TBRG1: variants seen among roughly 807,000 people sequenced by gnomAD.
TBRG1 encodes the protein nuclear interactor of ARF and MDM2.
TBRG1 carries 31 observed loss-of-function variants against 44.0 expected under a neutral mutation model. The observed-to-expected ratio is 0.70, with a 90% CI of 0.53 to 0.95. The LOEUF (loss-of-function observed/expected upper bound fraction) is 0.95, where lower values mean the gene tolerates loss of function less well. Among genes scored for constraint, TBRG1 ranks in the 40% least tolerant of loss-of-function variants. The probability of loss-of-function intolerance (pLI) is 0.00; values close to 1 mark genes in which losing one functional copy is unlikely to be tolerated. For synonymous variants in TBRG1, 171 were observed against 188.1 expected (o/e 0.91, Z 0.74); for missense variants, 487 against 496.1 (o/e 0.98, Z 0.18).
intron 7 of TBRG1, 70 bp from the exon 8 acceptor site, chr11:124,631,205 C>A: frequency 7.0e-7 from 1 of 1,430,648 alleles, no homozygotes; most frequent in Non-Finnish European, 9.4e-7. Flanking sequence ...TACCTGATCC[C>A]TTTAGTGATA....
In TBRG1 at chr11:124,632,327, C is replaced by T. The variant is rs1352222227; in HGVS notation, c.*89C>T. On this transcript the variant is annotated 3_prime_UTR_variant, in exon 9 of 9. Transcript: ENST00000441174. ...GGGTATATGAAAGAAGGCAGCAATT[C>T]AGAAGTAAAGAAGATACTAACGTAT... 8.5e-6 allele frequency: 10 copies of T among 1,172,734 alleles called. No individual in the cohort carries two copies. Among genetic ancestry groups the T allele is most frequent in the Non-Finnish European group, 1.2e-5 (10 of 812,794 alleles). The allele number at this position is 1,172,734 out of a possible 1,614,324, so 72.6% of individuals were successfully genotyped here.
chr11:124,631,066 AC>A, intron 7 of TBRG1: 1 of 636,314 alleles, frequency 1.6e-6, no homozygotes, highest in Non-Finnish European at 2.7e-6. Flanking sequence ...TTCTGTATGT[AC>A]CATGACAGCA....
chr11:124,628,068 TATATATATATATATATATATATA>T (rs1565400388), intron 5 of TBRG1, among the ~76,000 whole-genome samples: 1 of 30,830 alleles, frequency 3.2e-5, no homozygotes, highest in African/African-American at 1.7e-4. Flanking sequence ...AGCTGTTTTA[TATATATATATATATATATATATA>T]TATATATATA....
chr11:124,623,241 T>G lies in TBRG1; in HGVS notation c.150+8T>G, dbSNP rs1427277440. 2 of 1,551,448 alleles carry G rather than the reference T, an allele frequency of 1.3e-6. No homozygotes were observed. The highest frequency in any genetic ancestry group is 3.9e-5 in the Admixed American group (2 of 51,018). The stretch of plus-strand genomic sequence containing the variant: ...GCCAAGGCCACGGTGTTTGTGAGTC[T>G]GACCCACGTTCAGCCGGTCCCCTCC... On this transcript the variant is annotated splice_region_variant and intron_variant, in intron 1 of 8. Coordinates refer to ENST00000441174, the MANE Select transcript of TBRG1 (RefSeq NM_032811.3).
chr11:124,625,773 G>A lies in TBRG1; in HGVS notation c.324G>A (p.Val108=). The change falls in exon 3 of 9, where the codon GTG becomes GTA. Residue 108 remains valine (V), a synonymous_variant. Transcript: ENST00000441174. ...CCAGTTTGCCCCTGACTTATGGTGT[G>A]GCCAGCTCTGTGGGAACTATACAGG... is the stretch of plus-strand genomic sequence containing the variant. ...HSSSLPLTYG[V]ASSVGTIQGA... 4 of 1,574,602 alleles carry A rather than the reference G, an allele frequency of 2.5e-6. No homozygotes were observed.
intron 5 of TBRG1, among the ~76,000 whole-genome samples, chr11:124,627,643 A>G (rs73622475): frequency 0.013 from 1,920 of 152,278 alleles, 41 homozygotes; most frequent in South Asian, 0.065. Flanking sequence ...AGTAAGGTAG[A>G]AGGAAGTAGA....
chr11:124,635,724 T>C lies in TBRG1; in HGVS notation c.*3486T>C, dbSNP rs961509863. The C allele has an allele frequency of 7.2e-5, 11 of 152,352 alleles. No individual in the cohort carries two copies. Among genetic ancestry groups the C allele is most frequent in the African/African-American group, 2.2e-4 (9 of 41,590 alleles). 9.4% of individuals were successfully genotyped at this position (152,352 alleles called of 1,614,324 possible). On this transcript the variant is annotated 3_prime_UTR_variant, in exon 9 of 9. Transcript: ENST00000441174. ...ACATTAAGGGGAGGAAAGCTACCCA[T>C]AGATAGTATTCTTACTCCTTTTCAC...
In TBRG1 at chr11:124,635,310, A is replaced by AG. The variant is rs1942703459; in HGVS notation, c.*3074dup. The AG allele has an allele frequency of 6.6e-6, 1 of 152,174 alleles. No individual in the cohort carries two copies. Among genetic ancestry groups the AG allele is most frequent in the African/African-American group, 2.4e-5 (1 of 41,452 alleles). 9.4% of individuals were successfully genotyped at this position (152,174 alleles called of 1,614,324 possible). ...GGGTTAACTGAACGAGTTGAATGCTAGGAAGTCCTCAGGGGAGCCAACGTT... is the reference window on the plus strand; with the variant it reads ...GGGTTAACTGAACGAGTTGAATGCTAGGGAAGTCCTCAGGGGAGCCAACGTT... On this transcript the variant is annotated 3_prime_UTR_variant, in exon 9 of 9. Coordinates refer to ENST00000441174, the MANE Select transcript of TBRG1 (RefSeq NM_032811.3).
intron 5 of TBRG1, among the ~76,000 whole-genome samples, chr11:124,627,814 G>T (rs954456179): frequency 4.4e-4 from 67 of 151,886 alleles, no homozygotes; most frequent in African/African-American, 1.4e-3. Context: ...ACTCATTATT[G>T]TAACGGTATA....
rs553405814 is a variant in TBRG1, at chr11:124,629,754, A to G, written c.739-634A>G. ...AACTGTTTAAATGAACTTTAAAACT[A>G]GTCAAATAATTTAATTGGCTAGATA... On this transcript the variant is annotated intron_variant, in intron 5 of 8. Transcript: ENST00000441174. Among the ~76,000 whole-genome samples, 19 of 152,378 alleles carry G rather than the reference A, an allele frequency of 1.2e-4. No individual in the cohort carries two copies. The South Asian group carries it at 3.1e-3, about 25-fold the overall frequency.
chr11:124,630,549 TCTTG>T lies in TBRG1; in HGVS notation c.836+68_836+71del, dbSNP rs1591376636. On this transcript the variant is annotated intron_variant, in intron 6 of 8. Transcript: ENST00000441174. ...ACTGTTGGTACAGTGAAACCTTTTC[TCTTG>T]CTTTTAATGGGTGGAGATACTTTAT... 7 of 1,308,458 alleles carry T rather than the reference TCTTG, an allele frequency of 5.3e-6. No homozygotes were observed. The East Asian group carries it at 1.6e-4, about 30-fold the overall frequency. 81.1% of individuals were successfully genotyped at this position (1,308,458 alleles called of 1,614,324 possible).
rs773328654 is a variant in TBRG1 at position 124,630,727 on chromosome 11, T to A, written c.837-18T>A. The stretch of plus-strand genomic sequence containing the variant: ...TCCCGCTAAGCTCTCAAACTAAAAT[T>A]ATCCCTCTCCTGTTTAGGGGGAAAC... On this transcript the variant is annotated intron_variant, in intron 6 of 8. Transcript: ENST00000441174. The A allele has an allele frequency of 1.5e-5, 24 of 1,561,444 alleles. No individual in the cohort carries two copies. In the South Asian group the frequency reaches 2.3e-4, roughly 15 times the overall value.
rs974283357 is a variant in TBRG1 at position 124,627,188 on chromosome 11, G to C, written c.738+138G>C. The stretch of plus-strand genomic sequence containing the variant: ...AATCCCAAGATGCAGAAAAGTGGCT[G>C]GCCCTAAGTCACACCTCTGCTAATA... On this transcript the variant is annotated intron_variant, in intron 5 of 8. Coordinates refer to ENST00000441174, the MANE Select transcript of TBRG1 (RefSeq NM_032811.3). The C allele has an allele frequency of 1.2e-4, 80 of 662,108 alleles. No individual in the cohort carries two copies. The East Asian group carries it at 2.2e-3, about 18-fold the overall frequency. 41.0% of individuals were successfully genotyped at this position (662,108 alleles called of 1,614,324 possible).
chr11:124,627,132 C>T, intron 5 of TBRG1, 82 bp downstream of exon 5: 1 of 1,003,308 alleles, frequency 1.0e-6, no homozygotes, highest in Non-Finnish European at 1.5e-6. Context: ...TGATACCTTA[C>T]AAGGTAGATA....
chr11:124,630,701 C>A, intron 6 of TBRG1, 44 bp from the exon 7 acceptor site: 1 of 1,377,392 alleles, frequency 7.3e-7, no homozygotes, highest in Non-Finnish European at 1.0e-6. Flanking sequence ...CCATCTTCAT[C>A]TCCCGCTAAG....
chr11:124,623,275 C>T (rs980289520), intron 1 of TBRG1, 42 bp downstream of exon 1: 3 of 1,549,602 alleles, frequency 1.9e-6, no homozygotes, highest in Non-Finnish European at 2.6e-6. Context: ...CCTGGAGACT[C>T]CCTCACAAAA....
At position 124,623,109 on chromosome 11, in the gene TBRG1, C is replaced by T. The variant is rs1423013014; in HGVS notation, c.26C>T (p.Ser9Phe). The T allele has an allele frequency of 5.2e-6, 8 of 1,550,778 alleles. No homozygotes were observed. The South Asian group carries it at 7.1e-5, about 14-fold the overall frequency. MSLLDGLA[S>F]SPRAPLQSSK... is the part of the protein sequence containing the mutation. ...ATGAGCCTGCTGGACGGCCTCGCTT[C>T]CTCGCCGCGGGCTCCGCTGCAGTCC... The change falls in exon 1 of 9, where the codon TCC becomes TTC. Residue 9 changes from serine (S) to phenylalanine (F), a missense_variant. By Grantham distance (155) the Ser-to-Phe change is radical. Transcript: ENST00000441174.
At chr11:124,625,957 T>G (rs1053519740) in intron 3 of TBRG1, 54 bp downstream of exon 3, 1 of 1,487,508 alleles carries the variant, frequency 6.7e-7, no homozygotes, top group Non-Finnish European at 8.9e-7. Context: ...CTAATGACAG[T>G]TAGACCTGGT....
At chr11:124,630,536 G>A in intron 6 of TBRG1, 51 bp downstream of exon 6, 1 of 1,367,600 alleles carries the variant, frequency 7.3e-7, no homozygotes. Flanking sequence ...TGTTGGTACA[G>A]TGAAACCTTT....
Sources: gnomAD v4.1 joint callset for allele counts (sites outside exome capture counted in the v4.1 genomes callset) on GRCh38, gnomAD v4.1.1 for gene constraint, MANE v1.5 for transcripts, NCBI Gene and HGNC (gene_info 2026-07-23, HGNC 2026-07-21) for gene names.